RPGRIP1: variants seen among roughly 807,000 people sequenced by gnomAD.
RPGRIP1 encodes the protein X-linked retinitis pigmentosa GTPase regulator-interacting protein 1.
In RPGRIP1, 128 loss-of-function variants were observed where a neutral mutation model predicts 157.9. That is an observed-to-expected ratio of 0.81 (90% CI 0.70 to 0.94). The LOEUF is 0.94. RPGRIP1 is among the 40% of genes least tolerant of loss of function. RPGRIP1 has a pLI of 0.00. For synonymous variants in RPGRIP1, 554 were observed against 571.6 expected (o/e 0.97, Z 0.44); for missense variants, 1,486 against 1,545.8 (o/e 0.96, Z 0.65).
intron 20 of RPGRIP1, among the ~76,000 whole-genome samples, chr14:21,332,849 G>A (rs981739161): frequency 1.3e-5 from 2 of 152,146 alleles, no homozygotes; most frequent in Admixed American, 1.3e-4. Flanking sequence ...GCTTACACCT[G>A]TACTCCCAGC....
At chr14:21,300,398 A>T (rs1487606352) in intron 3 of RPGRIP1, among the ~76,000 whole-genome samples, 1 of 152,074 alleles carries the variant, frequency 6.6e-6, no homozygotes, top group Non-Finnish European at 1.5e-5. Flanking sequence ...GAGTGGGGAC[A>T]CAATTCAGGC....
intron 6 of RPGRIP1, among the ~76,000 whole-genome samples, chr14:21,304,522 C>G (rs1427612195): frequency 2.0e-5 from 3 of 152,090 alleles, no homozygotes; most frequent in African/African-American, 7.2e-5. Flanking sequence ...CGACTTCATC[C>G]TCATCACCAG....
chr14:21,324,379 A>G (rs1882822825), intron 14 of RPGRIP1: 1 of 569,460 alleles, frequency 1.8e-6, no homozygotes, highest in Admixed American at 3.0e-5. Context: ...TTTAGCATCT[A>G]CTTTCCAGTC....
chr14:21,348,137 TCAA>T (rs1454767638), intron 23 of RPGRIP1, 32 bp from the exon 24 acceptor site: 1 of 1,495,808 alleles, frequency 6.7e-7, no homozygotes, highest in Non-Finnish European at 9.0e-7. Flanking sequence ...ATTAAGAGTA[TCAA>T]CAGTGCTGAA....
intron 20 of RPGRIP1, among the ~76,000 whole-genome samples, chr14:21,333,316 G>A (rs1883983466): frequency 1.3e-5 from 2 of 152,172 alleles, no homozygotes; most frequent in Admixed American, 1.3e-4. Flanking sequence ...TTCCACATAT[G>A]TAGACAAAGC....
chr14:21,350,100 G>A (rs1457973134), intron 24 of RPGRIP1, among the ~76,000 whole-genome samples: 1 of 152,144 alleles, frequency 6.6e-6, no homozygotes, highest in Non-Finnish European at 1.5e-5. Context: ...TAAAGGCCAG[G>A]CGAGGTGGCT....
At chr14:21,350,673 A>C (rs1273131457) in intron 24 of RPGRIP1, among the ~76,000 whole-genome samples, 3 of 152,190 alleles carry the variant, frequency 2.0e-5, no homozygotes, top group Non-Finnish European at 4.4e-5. Context: ...AAGATTAAGG[A>C]AGCACTTAAA....
In RPGRIP1 at chr14:21,324,856, A is replaced by G. The variant is rs1277525485; in HGVS notation, c.2001A>G (p.Pro667=). The G allele has an allele frequency of 1.2e-6, 2 of 1,613,882 alleles. No homozygotes were observed. Among genetic ancestry groups the G allele is most frequent in the Non-Finnish European group, 1.7e-6 (2 of 1,179,854 alleles). The change falls in exon 15 of 25, where the codon CCA becomes CCG. Residue 667 remains proline, a synonymous_variant. Coordinates refer to ENST00000400017, the MANE Select transcript of RPGRIP1 (RefSeq NM_020366.4). ...ATGACTTTGAAACCCACTGTACCCC[A>G]TTATCTGTGGGGCCACAGCCCCTCT... is the stretch of plus-strand genomic sequence containing the variant. ...SFYDFETHCT[P]LSVGPQPLYD...
Position 21,288,627 on chromosome 14 carries a change from A to G in RPGRIP1, c.85+566A>G, listed in dbSNP as rs1420043938. ...CCTCCCGGGTTCAAGCAGTTCTCCT[A>G]CCTCAGACTCCTGAGTAGCTGGGAC... On this transcript the variant is annotated intron_variant, in intron 2 of 24. Coordinates refer to ENST00000400017, the MANE Select transcript of RPGRIP1 (RefSeq NM_020366.4). 2.0e-5 allele frequency among the ~76,000 whole-genome samples: 3 copies of G among 150,568 alleles called. No homozygotes were observed. In the East Asian group the frequency reaches 5.9e-4, roughly 30 times the overall value.
intron 1 of RPGRIP1, among the ~76,000 whole-genome samples, chr14:21,282,956 T>G (rs1880185014): frequency 1.3e-5 from 2 of 152,252 alleles, no homozygotes; most frequent in South Asian, 4.1e-4. Flanking sequence ...GGCCACTGGA[T>G]GTTCAACACG....
At chr14:21,336,586 T>C (rs935618139) in intron 21 of RPGRIP1, among the ~76,000 whole-genome samples, 2 of 152,214 alleles carry the variant, frequency 1.3e-5, no homozygotes, top group African/African-American at 4.8e-5. Context: ...TCTGAACTTT[T>C]ATCTATCATA....
intron 15 of RPGRIP1, 24 bp downstream of exon 15, chr14:21,325,094 G>T (rs1354329084): frequency 6.3e-7 from 1 of 1,584,556 alleles, no homozygotes; most frequent in South Asian, 1.1e-5. Context: ...GCTTCCTGCG[G>T]CTCCTAAGCA....
chr14:21,330,374 A>G lies in RPGRIP1; in HGVS notation c.3225A>G (p.Leu1075=), dbSNP rs1427717513. The change falls in exon 20 of 25, where the codon CTA becomes CTG. Residue 1075 remains leucine (L), a synonymous_variant. Coordinates refer to ENST00000400017, the MANE Select transcript of RPGRIP1 (RefSeq NM_020366.4). Reference sequence around the variant, plus strand: ...CAGCACTGAAACAGAAGGAACCTCTACATCCTGTAAATGGTATTGTCTTTT... The same window carrying G: ...CAGCACTGAAACAGAAGGAACCTCTGCATCCTGTAAATGGTATTGTCTTTT... ...SHSALKQKEP[L]HPVNDKESSE... 1 of 1,529,236 alleles carries G rather than the reference A, an allele frequency of 6.5e-7. No individual in the cohort carries two copies. The allele number at this position is 1,529,236 out of a possible 1,614,324, so 94.7% of individuals were successfully genotyped here. A position where few individuals can be genotyped will look rare whatever the true frequency, so the allele number is the denominator to read the frequency against.
chr14:21,340,353 C>A (rs1284872517), intron 21 of RPGRIP1, among the ~76,000 whole-genome samples: 1 of 152,156 alleles, frequency 6.6e-6, no homozygotes, highest in African/African-American at 2.4e-5. Context: ...GCACTAGATA[C>A]TCGGTAGAGA....
chr14:21,344,959 T>C (rs79441931), intron 22 of RPGRIP1, among the ~76,000 whole-genome samples, 154 bp from the exon 23 acceptor site: 2,015 of 152,092 alleles, frequency 0.013, 46 homozygotes, highest in African/African-American at 0.047. Context: ...CACACACAAA[T>C]GATTTTCAAA....
At chr14:21,321,582 C>T (rs964198381) in intron 13 of RPGRIP1, 180 bp downstream of exon 13, 18 of 1,300,390 alleles carry the variant, frequency 1.4e-5, no homozygotes, top group Non-Finnish European at 1.7e-5. Flanking sequence ...CCCACGGCAC[C>T]TTGGCACTAG....
rs778389059 is a variant in RPGRIP1 at position 21,321,876 on chromosome 14, C to T, written c.1634C>T (p.Thr545Ile). Residue 545 changes from threonine to isoleucine, a missense_variant, in exon 14 of 25, where the codon ACA (threonine) becomes ATA (isoleucine). Transcript: ENST00000400017. ...CAGGAGGAACTGGAGGCAATGATGA[C>T]AAAAGCTGACAATGATAATAGAGAT... ...CYQEELEAMM[T>I]KADNDNRDHK... The T allele has an allele frequency of 1.9e-6, 3 of 1,612,586 alleles. No individual in the cohort carries two copies. In the East Asian group the frequency reaches 6.7e-5, roughly 36 times the overall value.
chr14:21,290,996 A>G (rs1286762302), intron 2 of RPGRIP1, among the ~76,000 whole-genome samples: 5 of 140,548 alleles, frequency 3.6e-5, no homozygotes, highest in Admixed American at 2.2e-4. Context: ...GCGAGACTCC[A>G]TCTCAAAAAA....
chr14:21,310,735 T>C (rs1410309322), intron 8 of RPGRIP1, 128 bp downstream of exon 8: 2 of 654,946 alleles, frequency 3.1e-6, no homozygotes, highest in Non-Finnish European at 5.6e-6. Context: ...TTATGTCATA[T>C]AGTTTCTGTT....
Sources: allele counts gnomAD v4.1 joint callset (sites outside exome capture counted in the v4.1 genomes callset), GRCh38; gene constraint gnomAD v4.1.1; transcripts MANE v1.5; gene names NCBI Gene and HGNC (gene_info 2026-07-23, HGNC 2026-07-21).